The following RALYL variants were observed in gnomAD, a reference collection of about 807,000 sequenced individuals.
RALYL encodes the protein RALY RNA binding protein like.
A neutral mutation model predicts 35.1 loss-of-function variants in RALYL; 29 were observed. That is an observed-to-expected ratio of 0.83 (90% CI 0.61 to 1.13). The LOEUF (loss-of-function observed/expected upper bound fraction) is 1.13, where lower values mean the gene tolerates loss of function less well. Ranked by LOEUF, RALYL falls within the 50% of genes most tolerant of loss-of-function variation. The probability of loss-of-function intolerance (pLI) is 0.00; values close to 1 mark genes in which losing one functional copy is unlikely to be tolerated. For synonymous variants in RALYL, 120 were observed against 127.6 expected (o/e 0.94, Z 0.40); for missense variants, 359 against 360.4 (o/e 1.00, Z 0.03).
At chr8:84,885,950 G>A (rs1223420324) in intron 7 of RALYL, among the ~76,000 whole-genome samples, 1 of 152,124 alleles carries the variant, frequency 6.6e-6, no homozygotes, top group African/African-American at 2.4e-5. Flanking sequence ...AAAACCCAGA[G>A]GTAGGTATAG....
At chr8:84,617,229 G>A (rs1475887459) in intron 2 of RALYL, among the ~76,000 whole-genome samples, 1 of 151,578 alleles carries the variant, frequency 6.6e-6, no homozygotes, top group African/African-American at 2.4e-5. Flanking sequence ...CATGAGCATG[G>A]AATGTTCTTC....
chr8:84,658,911 G>A (rs962580816), intron 2 of RALYL, among the ~76,000 whole-genome samples: 2 of 151,942 alleles, frequency 1.3e-5, no homozygotes, highest in Non-Finnish European at 2.9e-5. Context: ...TATGGCTGCC[G>A]TGAAAACACA....
intron 2 of RALYL, among the ~76,000 whole-genome samples, chr8:84,691,702 A>G (rs1838095095): frequency 6.6e-6 from 1 of 151,988 alleles, no homozygotes; most frequent in South Asian, 2.1e-4. Flanking sequence ...AAGCAATAGA[A>G]GAGAGTGAGT....
intron 1 of RALYL, among the ~76,000 whole-genome samples, chr8:84,217,633 G>T (rs1229213495): frequency 6.6e-6 from 1 of 152,010 alleles, no homozygotes; most frequent in Non-Finnish European, 1.5e-5. Context: ...TTTTTTAAAG[G>T]CTTGTGGGAC....
At chr8:84,185,978 G>A (rs1812419486) in intron 1 of RALYL, among the ~76,000 whole-genome samples, 1 of 152,186 alleles carries the variant, frequency 6.6e-6, no homozygotes, top group African/African-American at 2.4e-5. Context: ...TTAAAAGTTA[G>A]TGTAATATCT....
chr8:84,516,624 T>G (rs2058087175), intron 1 of RALYL, among the ~76,000 whole-genome samples: 1 of 152,142 alleles, frequency 6.6e-6, no homozygotes, highest in South Asian at 2.1e-4. Context: ...GAAGAAAGGA[T>G]AAATGAACTT....
chr8:84,572,589 C>T (rs1808275295), intron 2 of RALYL, among the ~76,000 whole-genome samples: 1 of 151,774 alleles, frequency 6.6e-6, no homozygotes, highest in African/African-American at 2.4e-5. Context: ...CATTTTAACT[C>T]ATTTCAATTC....
chr8:84,791,729 G>T (rs1251799500), intron 3 of RALYL, among the ~76,000 whole-genome samples: 1 of 152,184 alleles, frequency 6.6e-6, no homozygotes. Flanking sequence ...GACTGTGAAA[G>T]AAAGAATGGA....
At chr8:84,534,991 A>G (rs1209357273) in intron 2 of RALYL, among the ~76,000 whole-genome samples, 3 of 152,204 alleles carry the variant, frequency 2.0e-5, no homozygotes, top group Admixed American at 2.0e-4. Context: ...TGGTTTGAAG[A>G]AAGATTTCTA....
At chr8:84,436,036 A>G (rs2047674290) in intron 1 of RALYL, among the ~76,000 whole-genome samples, 1 of 152,166 alleles carries the variant, frequency 6.6e-6, no homozygotes, top group Non-Finnish European at 1.5e-5. Context: ...CTCAGAAGTC[A>G]CCTCTAAAGA....
At chr8:84,894,185 CTT>C (rs1844350818) in intron 8 of RALYL, among the ~76,000 whole-genome samples, 2 of 152,152 alleles carry the variant, frequency 1.3e-5, no homozygotes, top group African/African-American at 4.8e-5. Context: ...ATGTCTCCTT[CTT>C]TTTGAGACTT....
At chr8:84,249,155 G>A (rs537350342) in intron 1 of RALYL, among the ~76,000 whole-genome samples, 98 of 152,190 alleles carry the variant, frequency 6.4e-4, no homozygotes, top group Admixed American at 5.5e-3. Flanking sequence ...ATACAAAGGA[G>A]ATGATATTCA....
intron 2 of RALYL, among the ~76,000 whole-genome samples, chr8:84,759,523 C>G (rs1563539524): frequency 6.6e-6 from 1 of 152,018 alleles, no homozygotes; most frequent in Non-Finnish European, 1.5e-5. Context: ...TATGGTTGCC[C>G]AGATTAAGTA....
At chr8:84,258,457 A>G (rs1325802297) in intron 1 of RALYL, among the ~76,000 whole-genome samples, 1 of 152,038 alleles carries the variant, frequency 6.6e-6, no homozygotes. Context: ...TTGAAGATGA[A>G]CTAGGTGTTC....
At chr8:84,572,955 G>A (rs1252209) in intron 2 of RALYL, among the ~76,000 whole-genome samples, 31,364 of 150,156 alleles carry the variant, frequency 0.21, 3,382 homozygotes, top group Non-Finnish European at 0.23. Context: ...TTTTATGGTC[G>A]GGTTACAGTT....
chr8:84,729,872 T>C (rs1845790912), intron 2 of RALYL, among the ~76,000 whole-genome samples: 1 of 152,144 alleles, frequency 6.6e-6, no homozygotes, highest in African/African-American at 2.4e-5. Flanking sequence ...TAACAGGATC[T>C]GAAATTGTGG....
chr8:84,848,485 T>G (rs1055615601), intron 4 of RALYL, among the ~76,000 whole-genome samples: 1 of 151,798 alleles, frequency 6.6e-6, no homozygotes, highest in Non-Finnish European at 1.5e-5. Context: ...ATATTGTTCA[T>G]CCTCAAAAAG....
chr8:84,758,615 C>T (rs945433598), intron 2 of RALYL, among the ~76,000 whole-genome samples: 1 of 150,280 alleles, frequency 6.7e-6, no homozygotes, highest in Admixed American at 6.6e-5. Context: ...CGTGGCCTTC[C>T]CACAGGGTGC....
intron 1 of RALYL, among the ~76,000 whole-genome samples, chr8:84,481,950 T>G (rs1463165804): frequency 6.6e-6 from 1 of 152,110 alleles, no homozygotes; most frequent in African/African-American, 2.4e-5. Context: ...GTTATATATT[T>G]TAATGTATGT....
Sources: gnomAD v4.1 joint callset for allele counts (sites outside exome capture counted in the v4.1 genomes callset) on GRCh38, gnomAD v4.1.1 for gene constraint, MANE v1.5 for transcripts, NCBI Gene and HGNC (gene_info 2026-07-23, HGNC 2026-07-21) for gene names.